ZNF670: variants seen among roughly 807,000 people sequenced by gnomAD.
The protein encoded by ZNF670 is zinc finger protein 670.
In ZNF670, 7 loss-of-function variants were observed where a neutral mutation model predicts 10.9. The observed-to-expected ratio is 0.64, with a 90% CI of 0.36 to 1.20. The LOEUF is 1.20. Ranked by LOEUF, ZNF670 falls within the 50% of genes most tolerant of loss-of-function variation. The pLI, the probability that ZNF670 is intolerant of heterozygous loss-of-function variation, is 0.02. For synonymous variants in ZNF670, 136 were observed against 152.7 expected (o/e 0.89, Z 0.81); for missense variants, 446 against 458.6 (o/e 0.97, Z 0.25).
At chr1:247,040,450 AATTCCATC>A (rs1670277390) in intron 1 of ZNF670, among the ~76,000 whole-genome samples, 1 of 152,216 alleles carries the variant, frequency 6.6e-6, no homozygotes, top group African/African-American at 2.4e-5. Flanking sequence ...AGCCTTAAAA[AATTCCATC>A]AATCCCCAAA....
At chr1:247,043,264 A>G in intron 1 of ZNF670, 2 of 660,652 alleles carry the variant, frequency 3.0e-6, no homozygotes, top group South Asian at 2.9e-5. Flanking sequence ...CTCTGGGTAT[A>G]TTCTGGAAGG....
At chr1:247,069,303 G>A (rs1558346979) in intron 1 of ZNF670, among the ~76,000 whole-genome samples, 1 of 150,874 alleles carries the variant, frequency 6.6e-6, no homozygotes, top group East Asian at 1.9e-4. Flanking sequence ...TATACACCTT[G>A]TATGTCCCCA....
chr1:247,050,383 C>T (rs1670561959), intron 1 of ZNF670, among the ~76,000 whole-genome samples: 1 of 152,072 alleles, frequency 6.6e-6, no homozygotes, highest in Admixed American at 6.5e-5. Flanking sequence ...CATGGAGTAT[C>T]TTTTTCCACC....
intron 1 of ZNF670, among the ~76,000 whole-genome samples, chr1:247,060,640 C>T (rs1670837083): frequency 1.3e-5 from 2 of 152,136 alleles, no homozygotes; most frequent in South Asian, 4.1e-4. Context: ...CCCAATTTTT[C>T]TGCAAACCTA....
chr1:247,070,299 G>A (rs141172485), intron 1 of ZNF670, among the ~76,000 whole-genome samples: 3,123 of 152,118 alleles, frequency 0.021, 50 homozygotes, highest in Non-Finnish European at 0.028. Flanking sequence ...GTGAAACCCC[G>A]TCTCTACTAA....
At chr1:247,043,662 T>C in intron 1 of ZNF670, 1 of 527,570 alleles carries the variant, frequency 1.9e-6, no homozygotes, top group Non-Finnish European at 3.7e-6. Flanking sequence ...TGGGAGATTA[T>C]GCTCCAGGAC....
At chr1:247,068,059 C>T (rs1671030986) in intron 1 of ZNF670, among the ~76,000 whole-genome samples, 1 of 150,474 alleles carries the variant, frequency 6.6e-6, no homozygotes, top group South Asian at 2.1e-4. Flanking sequence ...CGGCTCACGC[C>T]TGTAATCCCA....
intron 1 of ZNF670, 126 bp downstream of exon 1, chr1:247,078,468 T>C: frequency 8.2e-7 from 1 of 1,225,628 alleles, no homozygotes; most frequent in Non-Finnish European, 1.2e-6. Flanking sequence ...CCGCATCCTG[T>C]GCCACTAAGG....
At chr1:247,077,915 A>C (rs1288563901) in intron 1 of ZNF670, among the ~76,000 whole-genome samples, 3 of 152,236 alleles carry the variant, frequency 2.0e-5, no homozygotes, top group South Asian at 2.1e-4. Context: ...GAATGAATAA[A>C]CAACCAACCA....
At chr1:247,043,205 A>T in intron 1 of ZNF670, 1 of 712,844 alleles carries the variant, frequency 1.4e-6, no homozygotes. Flanking sequence ...CAAGGGCCAT[A>T]CGCATCACTA....
chr1:247,063,938 C>T (rs968384393), intron 1 of ZNF670, among the ~76,000 whole-genome samples: 4 of 152,226 alleles, frequency 2.6e-5, no homozygotes, highest in African/African-American at 7.2e-5. Flanking sequence ...CACGTGCTGG[C>T]ACAGCCTCAC....
intron 1 of ZNF670, among the ~76,000 whole-genome samples, chr1:247,062,195 T>C (rs907673865): frequency 1.3e-5 from 2 of 152,150 alleles, no homozygotes; most frequent in African/African-American, 4.8e-5. Flanking sequence ...ACGACACTTT[T>C]TTTTTTCCTT....
chr1:247,070,124 T>A (rs1671081102), intron 1 of ZNF670, among the ~76,000 whole-genome samples: 1 of 151,912 alleles, frequency 6.6e-6, no homozygotes, highest in Non-Finnish European at 1.5e-5. Context: ...ACATACTTAG[T>A]ATGTACCCAC....
At chr1:247,041,616 AG>A (rs1309670181) in intron 1 of ZNF670, among the ~76,000 whole-genome samples, 1 of 152,252 alleles carries the variant, frequency 6.6e-6, no homozygotes, top group African/African-American at 2.4e-5. Flanking sequence ...CACAATGTGT[AG>A]CCCATTAATT....
intron 1 of ZNF670, chr1:247,042,739 AAGTAGG>A (rs1288608309): frequency 9.9e-6 from 4 of 402,902 alleles, no homozygotes; most frequent in Non-Finnish European, 1.8e-5. Flanking sequence ...CCAGTAGAGC[AAGTAGG>A]CATAAAAGGC....
intron 1 of ZNF670, among the ~76,000 whole-genome samples, chr1:247,069,498 A>G (rs1378484162): frequency 6.6e-6 from 1 of 151,276 alleles, no homozygotes; most frequent in Non-Finnish European, 1.5e-5. Flanking sequence ...CCTGCTAGGT[A>G]TATAGCCAAA....
chr1:247,072,638 T>C (rs969939677), intron 1 of ZNF670, among the ~76,000 whole-genome samples: 112 of 150,798 alleles, frequency 7.4e-4, no homozygotes, highest in African/African-American at 2.6e-3. Flanking sequence ...TACAAAAAAA[T>C]TAGCTGGGCA....
At chr1:247,052,142 T>A (rs1670612804) in intron 1 of ZNF670, among the ~76,000 whole-genome samples, 1 of 152,158 alleles carries the variant, frequency 6.6e-6, no homozygotes, top group South Asian at 2.1e-4. Context: ...GCTTGTGTGA[T>A]TTTTGAGGGT....
At chr1:247,078,442 G>T in intron 1 of ZNF670, 152 bp downstream of exon 1, 1 of 978,544 alleles carries the variant, frequency 1.0e-6, no homozygotes, top group Non-Finnish European at 1.5e-6. Context: ...CCCGGGGTCT[G>T]GCTGCGGGTC....
Sources: allele counts gnomAD v4.1 joint callset (sites outside exome capture counted in the v4.1 genomes callset), GRCh38; gene constraint gnomAD v4.1.1; transcripts MANE v1.5; gene names NCBI Gene and HGNC (gene_info 2026-07-23, HGNC 2026-07-21).